The following ASPG variants were observed in gnomAD, a reference collection of about 807,000 sequenced individuals.
ASPG encodes asparaginase, also known as 60 kDa lysophospholipase.
ASPG carries 53 observed loss-of-function variants against 63.2 expected under a neutral mutation model. The ratio of observed to expected loss-of-function variants is 0.84; its 90% CI spans 0.67 to 1.05. The LOEUF is 1.05. ASPG is among the 50% of genes least tolerant of loss of function. The pLI is 0.00. For missense variants in ASPG, 741 were observed against 794.4 expected, an observed-to-expected ratio of 0.93 and a Z score of 0.81; for synonymous variants, 370 against 355.0, an observed-to-expected ratio of 1.04 and a Z score of -0.48.
At chr14:104,105,524 G>T in intron 10 of ASPG, 74 bp downstream of exon 10, 1 of 1,467,574 alleles carries the variant, frequency 6.8e-7, no homozygotes, top group Non-Finnish European at 9.0e-7. Context: ...GGATGCACCA[G>T]GCAGGCACGA....
chr14:104,085,708 AGTCCCGCAGGCCCTGC>A lies in ASPG; in HGVS notation c.-57_-42del. 1 of 1,376,548 alleles carries A rather than the reference AGTCCCGCAGGCCCTGC, an allele frequency of 7.3e-7. No individual in the cohort carries two copies. The highest frequency in any genetic ancestry group is 9.5e-7 in the Non-Finnish European group (1 of 1,056,936). 85.3% of individuals were successfully genotyped at this position (1,376,548 alleles called of 1,614,324 possible). ...CCGGGCCTCCTCCGCGCAGTCCCTG[AGTCCCGCAGGCCCTGC>A]GTCCCCGCTGCACACCCCCGTCCAC... is the stretch of plus-strand genomic sequence containing the variant. On this transcript the variant is annotated 5_prime_UTR_variant, in exon 1 of 16. Coordinates refer to ENST00000551177, the MANE Select transcript of ASPG (RefSeq NM_001080464.3).
In ASPG at chr14:104,092,703, C is replaced by T. The variant is rs1386337243; in HGVS notation, c.153C>T (p.Ala51=). The T allele has an allele frequency of 6.5e-7, 1 of 1,537,534 alleles. No homozygotes were observed. The highest frequency in any genetic ancestry group is 8.7e-7 in the Non-Finnish European group (1 of 1,147,438). The change falls in exon 2 of 16, where the codon GCC becomes GCT. Residue 51 remains alanine, a synonymous_variant. Coordinates refer to ENST00000551177, the MANE Select transcript of ASPG (RefSeq NM_001080464.3). ...CCATGTTCCATGACGAGGAGCACGC[C>T]CGAGCCCGCGGCCTCTCTGAGGACA... is the stretch of plus-strand genomic sequence containing the variant. ...TLPMFHDEEH[A]RARGLSEDTL...
intron 12 of ASPG, chr14:104,108,323 C>T (rs941550063): frequency 1.8e-5 from 15 of 818,388 alleles, no homozygotes; most frequent in Middle Eastern, 6.2e-4. Flanking sequence ...CTAGACTGGG[C>T]GTCCTTGGGT....
intron 12 of ASPG, chr14:104,108,370 C>T (rs572925545): frequency 1.0e-5 from 10 of 977,936 alleles, no homozygotes; most frequent in East Asian, 1.1e-4. Flanking sequence ...CACACAGTCC[C>T]GCCCCCTCGT....
intron 6 of ASPG, among the ~76,000 whole-genome samples, chr14:104,101,552 C>A (rs187069102): frequency 6.6e-6 from 1 of 152,270 alleles, no homozygotes; most frequent in African/African-American, 2.4e-5. Flanking sequence ...CACTGTCACC[C>A]CCAGGCAAAT....
chr14:104,100,659 G>A (rs2141018028), intron 6 of ASPG, among the ~76,000 whole-genome samples: 1 of 152,288 alleles, frequency 6.6e-6, no homozygotes, highest in East Asian at 1.9e-4. Flanking sequence ...ACACATCAGT[G>A]TGTCTACTGT....
At chr14:104,108,870 C>T (rs2037263498) in intron 12 of ASPG, 1 of 985,320 alleles carries the variant, frequency 1.0e-6, no homozygotes. Context: ...AATGGGCTGT[C>T]CCCTTGGAAT....
intron 4 of ASPG, among the ~76,000 whole-genome samples, chr14:104,096,666 C>T (rs1184932319): frequency 1.3e-5 from 2 of 152,214 alleles, no homozygotes; most frequent in African/African-American, 2.4e-5. Context: ...GCAGGACCCA[C>T]GAACGTTCAC....
At chr14:104,098,732 G>T in intron 5 of ASPG, 121 bp from the exon 6 acceptor site, 2 of 1,453,208 alleles carry the variant, frequency 1.4e-6, no homozygotes, top group East Asian at 2.4e-5. Context: ...GGTGGGTGGG[G>T]TTACAGTCCC....
Position 104,112,721 on chromosome 14 carries a change from C to G in ASPG, c.*177C>G. On this transcript the variant is annotated 3_prime_UTR_variant, in exon 16 of 16. Transcript: ENST00000551177. ...CTGACATCCCCTCACCAGGTCTGTACAGCCTGGCTCTGAGAGGCTCTGTCT... is the reference window on the plus strand; with the variant it reads ...CTGACATCCCCTCACCAGGTCTGTAGAGCCTGGCTCTGAGAGGCTCTGTCT... 1.4e-6 allele frequency: 2 copies of G among 1,417,346 alleles called. No individual in the cohort carries two copies. Among genetic ancestry groups the G allele is most frequent in the South Asian group, 2.6e-5 (2 of 76,328 alleles). 87.8% of individuals were successfully genotyped at this position (1,417,346 alleles called of 1,614,324 possible).
intron 4 of ASPG, among the ~76,000 whole-genome samples, chr14:104,097,231 C>T (rs2036634330): frequency 6.6e-6 from 1 of 152,084 alleles, no homozygotes; most frequent in South Asian, 2.1e-4. Flanking sequence ...GGTTGAGGCC[C>T]TGGGTGCAGG....
Position 104,111,994 on chromosome 14 carries a change from A to G in ASPG, c.1695A>G (p.Pro565=), listed in dbSNP as rs2037397074. Reference sequence around the variant, plus strand: ...AGGGTGCGGTTGGTGCCCAGGCCCCATGCCCAGTAAGTCCCCACCCCAGGC... The same window carrying G: ...AGGGTGCGGTTGGTGCCCAGGCCCCGTGCCCAGTAAGTCCCCACCCCAGGC... ...SLEGAVGAQA[P]CPEVLPGV The change falls in exon 15 of 16, where the codon CCA becomes CCG. Residue 565 remains proline (P), a synonymous_variant. Coordinates refer to ENST00000551177, the MANE Select transcript of ASPG (RefSeq NM_001080464.3). The G allele has an allele frequency of 1.9e-6, 3 of 1,553,758 alleles. No homozygotes were observed. The highest frequency in any genetic ancestry group is 1.7e-4 in the Middle Eastern group (1 of 5,948).
chr14:104,108,641 C>T (rs2037250832), intron 12 of ASPG: 12 of 985,448 alleles, frequency 1.2e-5, no homozygotes, highest in Non-Finnish European at 1.4e-5. Flanking sequence ...TGTGTGGCCT[C>T]CGGCCTCGGG....
rs773804092 is a variant in ASPG, at chr14:104,085,809, C to T, written c.39C>T (p.Ala13=). 9 of 1,590,610 alleles carry T rather than the reference C, an allele frequency of 5.7e-6. No homozygotes were observed. The highest frequency in any genetic ancestry group is 2.2e-5 in the South Asian group (2 of 89,458). ...RAVGPERRLL[A]VYTGGTIGMR... is the part of the protein sequence containing the mutation. The stretch of plus-strand genomic sequence containing the variant: ...TGGGGCCCGAGCGGAGGCTGCTGGC[C>T]GTCTACACCGGCGGCACCATTGGCA... The change falls in exon 1 of 16, where the codon GCC becomes GCT. Residue 13 remains alanine, a synonymous_variant. Coordinates refer to ENST00000551177, the MANE Select transcript of ASPG (RefSeq NM_001080464.3).
rs143648534 is a variant in ASPG, at chr14:104,100,333, G to C, written c.640+1354G>C. Among the ~76,000 whole-genome samples, 855 of 152,282 alleles carry C rather than the reference G, an allele frequency of 5.6e-3. 14 individuals are homozygous for C. Among genetic ancestry groups the C allele is most frequent in the Admixed American group, 0.044 (672 of 15,304 alleles). ...TGGCTGTGGGGCCGTCAGCAGAAGC[G>C]GGTGGAGGCAGCGTCTTTGGATCTC... On this transcript the variant is annotated intron_variant, in intron 6 of 15. Transcript: ENST00000551177.
intron 4 of ASPG, among the ~76,000 whole-genome samples, chr14:104,096,623 C>A (rs1282177587): frequency 6.6e-6 from 1 of 152,210 alleles, no homozygotes; most frequent in Non-Finnish European, 1.5e-5. Context: ...CCGTGGACCT[C>A]TCTAGGGGAT....
chr14:104,105,185 T>C (rs1215054015), intron 9 of ASPG, 143 bp from the exon 10 acceptor site: 1 of 1,338,674 alleles, frequency 7.5e-7, no homozygotes, highest in Non-Finnish European at 1.0e-6. Context: ...CAGCCCGCTC[T>C]GGCCCGAGGG....
intron 1 of ASPG, 141 bp downstream of exon 1, chr14:104,085,993 G>C: frequency 1.3e-6 from 1 of 769,288 alleles, no homozygotes; most frequent in Non-Finnish European, 1.9e-6. Flanking sequence ...GCTCTCCTCC[G>C]GTTCCGGCCA....
At chr14:104,096,018 G>A (rs765057422) in intron 4 of ASPG, among the ~76,000 whole-genome samples, 3 of 152,158 alleles carry the variant, frequency 2.0e-5, no homozygotes, top group Non-Finnish European at 2.9e-5. Context: ...GGGTGGCCGC[G>A]CACAGAGCCG....
Sources: gnomAD v4.1 joint callset for allele counts (sites outside exome capture counted in the v4.1 genomes callset) on GRCh38, gnomAD v4.1.1 for gene constraint, MANE v1.5 for transcripts, NCBI Gene and HGNC (gene_info 2026-07-23, HGNC 2026-07-21) for gene names.